RABGAP1L: variants seen among roughly 807,000 people sequenced by gnomAD.
RABGAP1L encodes RAB GTPase activating protein 1 like, also known as rab GTPase-activating protein 1-like.
A neutral mutation model predicts 137.7 loss-of-function variants in RABGAP1L; 63 were observed. The observed-to-expected ratio is 0.46, with a 90% CI of 0.37 to 0.56. The LOEUF (loss-of-function observed/expected upper bound fraction) is 0.56. Ranked by LOEUF, RABGAP1L falls within the 20% of genes least tolerant of loss-of-function variation. The pLI, the probability that RABGAP1L is intolerant of heterozygous loss-of-function variation, is 0.00. For synonymous variants in RABGAP1L, 431 were observed against 433.7 expected, an observed-to-expected ratio of 0.99 and a Z score of 0.08; for missense variants, 1,095 against 1,244.0, an observed-to-expected ratio of 0.88 and a Z score of 1.80.
chr1:174,748,048 T>C (rs1439982142), intron 17 of RABGAP1L, among the ~76,000 whole-genome samples: 2 of 152,196 alleles, frequency 1.3e-5, no homozygotes, highest in Non-Finnish European at 2.9e-5. Context: ...TGGAAGTATG[T>C]ATAGAATAAA....
intron 13 of RABGAP1L, among the ~76,000 whole-genome samples, chr1:174,399,015 A>G (rs1019322910): frequency 6.6e-6 from 1 of 152,172 alleles, no homozygotes; most frequent in African/African-American, 2.4e-5. Context: ...TTAAGTTTTT[A>G]ATGTTATTTC....
intron 13 of RABGAP1L, among the ~76,000 whole-genome samples, chr1:174,481,104 T>A (rs1225712516): frequency 1.3e-5 from 2 of 152,220 alleles, no homozygotes; most frequent in Non-Finnish European, 2.9e-5. Context: ...TCAAACTTTT[T>A]TAAATTTTAC....
At chr1:174,252,704 A>T (rs908945693) in intron 7 of RABGAP1L, 114 bp downstream of exon 7, 19 of 1,420,962 alleles carry the variant, frequency 1.3e-5, no homozygotes, top group Non-Finnish European at 1.8e-5. Context: ...ATTAAAAATG[A>T]GGATAATTAA....
intron 17 of RABGAP1L, among the ~76,000 whole-genome samples, chr1:174,725,657 A>T (rs1681917801): frequency 6.6e-6 from 1 of 152,144 alleles, no homozygotes. Context: ...AGAATGAAAT[A>T]GCCTCTGAAG....
intron 13 of RABGAP1L, among the ~76,000 whole-genome samples, chr1:174,535,859 A>G (rs1246321629): frequency 2.0e-5 from 3 of 152,192 alleles, no homozygotes; most frequent in African/African-American, 4.8e-5. Context: ...AAAATTGAGC[A>G]TATTTAAAAA....
intron 15 of RABGAP1L, among the ~76,000 whole-genome samples, chr1:174,692,273 G>A (rs1678927039): frequency 6.6e-6 from 1 of 152,178 alleles, no homozygotes; most frequent in African/African-American, 2.4e-5. Context: ...CAACATTAAA[G>A]TGGTGGTTAG....
At chr1:174,651,773 T>C (rs1207317578) in intron 14 of RABGAP1L, among the ~76,000 whole-genome samples, 1 of 152,196 alleles carries the variant, frequency 6.6e-6, no homozygotes, top group African/African-American at 2.4e-5. Context: ...CACTGATAGG[T>C]CTTGACTCTT....
At chr1:174,315,622 C>CTTTTTTTTTT (rs35771793) in intron 11 of RABGAP1L, among the ~76,000 whole-genome samples, 1 of 132,712 alleles carries the variant, frequency 7.5e-6, no homozygotes, top group Non-Finnish European at 1.6e-5. Flanking sequence ...CATTTCTTGC[C>CTTTTTTTTTT]TTTTTTTTTT....
chr1:174,800,682 C>G (rs1347419626), intron 18 of RABGAP1L, among the ~76,000 whole-genome samples: 1 of 152,056 alleles, frequency 6.6e-6, no homozygotes, highest in Non-Finnish European at 1.5e-5. Context: ...CCACACCACC[C>G]CTTAATTGGT....
rs907296356 is a variant in RABGAP1L, at chr1:174,383,909, C to T, written c.1560-10086C>T. Among the ~76,000 whole-genome samples the T allele has an allele frequency of 3.9e-5, 6 of 152,282 alleles. No individual in the cohort carries two copies. The East Asian group carries it at 9.7e-4, about 25-fold the overall frequency. On this transcript the variant is annotated intron_variant, in intron 12 of 25. Coordinates refer to ENST00000681986, the MANE Select transcript of RABGAP1L (RefSeq NM_001366446.1). ...GTATTTTATAAAATTGAAGACCCTT[C>T]TTATACCACCCCAGCAATTCCAGTC...
intron 13 of RABGAP1L, among the ~76,000 whole-genome samples, chr1:174,482,987 T>A (rs72713601): frequency 0.39 from 58,930 of 152,046 alleles, 14,362 homozygotes; most frequent in African/African-American, 0.69. Flanking sequence ...AGCATTTTTT[T>A]AATTTTTAAT....
At chr1:174,349,818 C>T (rs1488265677) in intron 11 of RABGAP1L, among the ~76,000 whole-genome samples, 146 of 133,188 alleles carry the variant, frequency 1.1e-3, no homozygotes, top group African/African-American at 3.6e-3. Context: ...CGGGCAGAGG[C>T]GCCCCTCACC....
intron 13 of RABGAP1L, among the ~76,000 whole-genome samples, chr1:174,446,591 C>T (rs1199657302): frequency 6.6e-6 from 1 of 152,146 alleles, no homozygotes; most frequent in Non-Finnish European, 1.5e-5. Flanking sequence ...ATCCTGGCAG[C>T]CTTGCAATGT....
intron 10 of RABGAP1L, among the ~76,000 whole-genome samples, chr1:174,286,270 C>T (rs1367642045): frequency 6.6e-6 from 1 of 151,990 alleles, no homozygotes; most frequent in African/African-American, 2.4e-5. Flanking sequence ...TTCAGATTTT[C>T]TGTTTCTTCA....
intron 13 of RABGAP1L, among the ~76,000 whole-genome samples, chr1:174,634,490 T>A (rs1457775742): frequency 2.8e-5 from 4 of 141,114 alleles, no homozygotes; most frequent in Non-Finnish European, 6.1e-5. Flanking sequence ...TCCTCAGGGA[T>A]CTAGAACTAG....
rs545793763 is a variant in RABGAP1L, at chr1:174,725,131, C to G, written c.2169+22875C>G. 2.6e-5 allele frequency among the ~76,000 whole-genome samples: 4 copies of G among 152,248 alleles called. No individual in the cohort carries two copies. In the East Asian group the frequency reaches 7.7e-4, roughly 29 times the overall value. Reference sequence around the variant, plus strand: ...ATTGGATGGAGTGACTTAAGTGTTTCAGAGATGACTATGGCTGTTGTGAAT... The same window carrying G: ...ATTGGATGGAGTGACTTAAGTGTTTGAGAGATGACTATGGCTGTTGTGAAT... On this transcript the variant is annotated intron_variant, in intron 17 of 25. Coordinates refer to ENST00000681986, the MANE Select transcript of RABGAP1L (RefSeq NM_001366446.1).
intron 17 of RABGAP1L, among the ~76,000 whole-genome samples, chr1:174,741,639 G>A (rs540918635): frequency 1.3e-5 from 2 of 152,122 alleles, no homozygotes; most frequent in East Asian, 3.9e-4. Flanking sequence ...TGGGATTACA[G>A]GTGTGAGCCA....
chr1:174,939,618 G>A (rs1299617541), intron 19 of RABGAP1L, among the ~76,000 whole-genome samples: 1 of 151,844 alleles, frequency 6.6e-6, no homozygotes, highest in Non-Finnish European at 1.5e-5. Context: ...AGTATAAAAG[G>A]TCTTCTCAAA....
At chr1:174,883,255 A>T (rs1654545076) in intron 19 of RABGAP1L, among the ~76,000 whole-genome samples, 1 of 152,194 alleles carries the variant, frequency 6.6e-6, no homozygotes, top group Non-Finnish European at 1.5e-5. Flanking sequence ...GTATTACCTC[A>T]TTGGAATACC....
Sources: allele counts gnomAD v4.1 joint callset (sites outside exome capture counted in the v4.1 genomes callset), GRCh38; gene constraint gnomAD v4.1.1; transcripts MANE v1.5; gene names NCBI Gene and HGNC (gene_info 2026-07-23, HGNC 2026-07-21).